Variants in GPC5 observed in about 807,000 individuals in gnomAD.
GPC5 encodes the protein glypican 5, also known as glypican-5.
Under a neutral mutation model 53.9 loss-of-function variants are expected in GPC5, and 47 were observed. The ratio of observed to expected loss-of-function variants is 0.87; its 90% CI spans 0.69 to 1.11. GPC5 has a LOEUF of 1.11. Ranked by LOEUF, GPC5 falls within the 50% of genes most tolerant of loss-of-function variation. GPC5 has a pLI of 0.00. For synonymous variants in GPC5, 286 were observed against 263.3 expected (o/e 1.09, Z -0.84); for missense variants, 748 against 713.1 (o/e 1.05, Z -0.56).
intron 6 of GPC5, among the ~76,000 whole-genome samples, chr13:92,131,327 C>T (rs1326407271): frequency 1.3e-5 from 2 of 151,912 alleles, no homozygotes; most frequent in East Asian, 3.9e-4. Flanking sequence ...AATTCCACTC[C>T]TGGATGTATA....
intron 2 of GPC5, among the ~76,000 whole-genome samples, chr13:91,556,957 C>T (rs1382097151): frequency 6.6e-6 from 1 of 151,978 alleles, no homozygotes; most frequent in East Asian, 1.9e-4. Flanking sequence ...CTGTTCCCCC[C>T]AAAACCTGTG....
At chr13:91,865,611 T>C (rs962270119) in intron 5 of GPC5, among the ~76,000 whole-genome samples, 5 of 152,196 alleles carry the variant, frequency 3.3e-5, no homozygotes, top group Admixed American at 1.3e-4. Context: ...TTTAAACTTC[T>C]GAATTTTCTG....
chr13:91,814,184 G>T (rs111250998), intron 5 of GPC5, among the ~76,000 whole-genome samples: 1 of 151,726 alleles, frequency 6.6e-6, no homozygotes, highest in Non-Finnish European at 1.5e-5. Context: ...TGCCTGCCTC[G>T]GCCTCCCAAA....
At chr13:91,813,293 G>T (rs1279238348) in intron 5 of GPC5, among the ~76,000 whole-genome samples, 1 of 152,150 alleles carries the variant, frequency 6.6e-6, no homozygotes, top group Non-Finnish European at 1.5e-5. Flanking sequence ...CACCTGTTAT[G>T]ATCCTGCTGA....
chr13:92,423,598 A>T (rs1049775311), intron 7 of GPC5, among the ~76,000 whole-genome samples: 23 of 152,224 alleles, frequency 1.5e-4, no homozygotes, highest in African/African-American at 5.5e-4. Flanking sequence ...GATGTACAGT[A>T]AATTCAACCT....
intron 6 of GPC5, among the ~76,000 whole-genome samples, chr13:91,931,705 G>A (rs1170425029): frequency 6.6e-6 from 1 of 151,982 alleles, no homozygotes; most frequent in African/African-American, 2.4e-5. Context: ...AACCTTCAAA[G>A]TACTGGAAGC....
At chr13:91,750,083 T>C (rs1028344606) in intron 4 of GPC5, among the ~76,000 whole-genome samples, 1 of 152,314 alleles carries the variant, frequency 6.6e-6, no homozygotes, top group African/African-American at 2.4e-5. Context: ...AGTGCTGGGA[T>C]TGCAGGCGTG....
chr13:92,704,371 T>C (rs1463433107), intron 7 of GPC5, among the ~76,000 whole-genome samples: 1 of 152,028 alleles, frequency 6.6e-6, no homozygotes, highest in Admixed American at 6.6e-5. Context: ...TATTGACTAC[T>C]AATGCAGAAT....
chr13:92,197,848 T>G (rs2042268335), intron 7 of GPC5, among the ~76,000 whole-genome samples: 1 of 151,898 alleles, frequency 6.6e-6, no homozygotes, highest in Admixed American at 6.6e-5. Flanking sequence ...TCCAGATGTC[T>G]TACTGCTTCC....
intron 7 of GPC5, among the ~76,000 whole-genome samples, chr13:92,585,445 G>A (rs1432182664): frequency 3.9e-5 from 6 of 152,158 alleles, no homozygotes; most frequent in East Asian, 1.9e-4. Context: ...TTGGAATGGC[G>A]GTATTTATCC....
At chr13:91,448,700 A>G (rs568024128) in intron 1 of GPC5, 61 bp from the exon 2 acceptor site, 8 of 1,546,228 alleles carry the variant, frequency 5.2e-6, no homozygotes, top group Non-Finnish European at 7.0e-6. Context: ...CGCCTGATAT[A>G]TAATATGTAA....
At chr13:92,170,845 A>G (rs2042065544) in intron 7 of GPC5, among the ~76,000 whole-genome samples, 1 of 152,158 alleles carries the variant, frequency 6.6e-6, no homozygotes, top group African/African-American at 2.4e-5. Context: ...TTGCTGAAGA[A>G]TTGTTTTTCT....
chr13:92,461,385 C>T (rs749017380), intron 7 of GPC5, among the ~76,000 whole-genome samples: 12 of 152,070 alleles, frequency 7.9e-5, no homozygotes, highest in Non-Finnish European at 1.6e-4. Context: ...ATAAGGAACA[C>T]ACAAAATACT....
At chr13:91,452,056 C>A (rs1365594081) in intron 2 of GPC5, among the ~76,000 whole-genome samples, 3 of 152,082 alleles carry the variant, frequency 2.0e-5, no homozygotes, top group Non-Finnish European at 4.4e-5. Flanking sequence ...GATCACATGG[C>A]TCACTGCAGC....
chr13:92,361,160 A>T (rs1298762170), intron 7 of GPC5, among the ~76,000 whole-genome samples: 1 of 151,756 alleles, frequency 6.6e-6, no homozygotes, highest in East Asian at 1.9e-4. Context: ...CTTAATTTTT[A>T]AAAATAATGG....
intron 7 of GPC5, among the ~76,000 whole-genome samples, chr13:92,576,361 T>C (rs1178192713): frequency 2.0e-5 from 3 of 152,164 alleles, no homozygotes; most frequent in Non-Finnish European, 2.9e-5. Context: ...GGGTTTTTCT[T>C]CATTAAGACA....
chr13:92,324,400 G>A (rs1367569317), intron 7 of GPC5, among the ~76,000 whole-genome samples: 4 of 151,820 alleles, frequency 2.6e-5, no homozygotes, highest in African/African-American at 9.7e-5. Flanking sequence ...CATGGTGAGG[G>A]ATAAAGTACA....
chr13:92,004,001 A>G (rs80227434), intron 6 of GPC5, among the ~76,000 whole-genome samples: 5,661 of 152,292 alleles, frequency 0.037, 148 homozygotes, highest in Middle Eastern at 0.058. Flanking sequence ...TGAAGTATAT[A>G]CCATGAACAT....
intron 7 of GPC5, among the ~76,000 whole-genome samples, chr13:92,377,688 A>T (rs1315796092): frequency 1.3e-5 from 2 of 152,190 alleles, no homozygotes; most frequent in African/African-American, 4.8e-5. Context: ...TTTTTACTAT[A>T]ACTTAATAAT....
Sources: gnomAD v4.1 joint callset for allele counts (sites outside exome capture counted in the v4.1 genomes callset) on GRCh38, gnomAD v4.1.1 for gene constraint, MANE v1.5 for transcripts, NCBI Gene and HGNC (gene_info 2026-07-23, HGNC 2026-07-21) for gene names.